The following EIPR1 variants were observed in gnomAD, a reference collection of about 807,000 sequenced individuals.
EIPR1 encodes the protein EARP complex and GARP complex interacting protein 1, also known as EARP and GARP complex-interacting protein 1.
EIPR1 carries 25 observed loss-of-function variants against 48.1 expected under a neutral mutation model. The ratio of observed to expected loss-of-function variants is 0.52; its 90% CI spans 0.38 to 0.73. The LOEUF (loss-of-function observed/expected upper bound fraction) is 0.73, where lower values mean the gene tolerates loss of function less well. EIPR1 is among the 30% of genes least tolerant of loss of function. The pLI, the probability that EIPR1 is intolerant of heterozygous loss-of-function variation, is 0.00. For missense variants in EIPR1, 415 were observed against 506.2 expected, an observed-to-expected ratio of 0.82 and a Z score of 1.73; for synonymous variants, 204 against 201.9, an observed-to-expected ratio of 1.01 and a Z score of -0.09.
chr2:3,248,079 T>C (rs1184423933), intron 4 of EIPR1, among the ~76,000 whole-genome samples: 1 of 152,046 alleles, frequency 6.6e-6, no homozygotes, highest in Non-Finnish European at 1.5e-5. Context: ...GGATCCCTCA[T>C]GAATAGCCTA....
intron 4 of EIPR1, among the ~76,000 whole-genome samples, chr2:3,256,070 T>C (rs999366217): frequency 6.6e-6 from 1 of 152,172 alleles, no homozygotes; most frequent in East Asian, 1.9e-4. Flanking sequence ...GTGATTTTAA[T>C]ACTCAGAGCA....
At chr2:3,208,185 T>G (rs1178110976) in intron 5 of EIPR1, 1 of 223,740 alleles carries the variant, frequency 4.5e-6, no homozygotes, top group African/African-American at 2.3e-5. Flanking sequence ...ATTTACCAGA[T>G]TTTGTTCCAA....
intron 3 of EIPR1, among the ~76,000 whole-genome samples, chr2:3,262,883 G>A (rs1002055611): frequency 6.6e-6 from 1 of 152,192 alleles, no homozygotes; most frequent in African/African-American, 2.4e-5. Flanking sequence ...AGGGCCAGCA[G>A]TGATTGACTA....
At chr2:3,194,707 G>A (rs1183460277) in intron 6 of EIPR1, among the ~76,000 whole-genome samples, 1 of 151,128 alleles carries the variant, frequency 6.6e-6, no homozygotes, top group Non-Finnish European at 1.5e-5. Context: ...GGGGGGGGCA[G>A]TGGGGAAGGC....
chr2:3,307,907 CA>C (rs1377428984), intron 3 of EIPR1, among the ~76,000 whole-genome samples: 6 of 152,196 alleles, frequency 3.9e-5, no homozygotes, highest in Admixed American at 1.3e-4. Flanking sequence ...CCTATTTGAT[CA>C]TGACCCATTG....
intron 3 of EIPR1, among the ~76,000 whole-genome samples, chr2:3,296,009 C>CACAT (rs1668571362): frequency 7.6e-6 from 1 of 131,230 alleles, no homozygotes; most frequent in Non-Finnish European, 1.6e-5. Flanking sequence ...CCTCTCTCTA[C>CACAT]ACACCCTCCA....
chr2:3,254,767 TG>T (rs1667103284), intron 4 of EIPR1, among the ~76,000 whole-genome samples: 1 of 152,204 alleles, frequency 6.6e-6, no homozygotes, highest in South Asian at 2.1e-4. Context: ...GGGTTGGAGT[TG>T]TTCTGTGTCT....
Position 3,225,719 on chromosome 2 carries a change from G to A in EIPR1, c.417-11471C>T, listed in dbSNP as rs575494655. On this transcript the variant is annotated intron_variant, in intron 4 of 8. Coordinates refer to ENST00000382125, the MANE Select transcript of EIPR1 (RefSeq NM_003310.5). The stretch of plus-strand genomic sequence containing the variant: ...TACACTATTATTAACTACAGTTCTC[G>A]TGCTGTACATGAGGTGTCCAGAATG... 3.3e-5 allele frequency among the ~76,000 whole-genome samples: 5 copies of A among 151,998 alleles called. No individual in the cohort carries two copies. In the East Asian group the frequency reaches 7.7e-4, roughly 23 times the overall value.
chr2:3,196,546 G>A (rs1664812079), intron 6 of EIPR1, among the ~76,000 whole-genome samples: 3 of 152,156 alleles, frequency 2.0e-5, no homozygotes, highest in Admixed American at 2.0e-4. Flanking sequence ...AGCCTGCAGC[G>A]GCTCATCAGA....
chr2:3,260,948 A>G lies in EIPR1; in HGVS notation c.260-3493T>C, dbSNP rs968500024. On this transcript the variant is annotated intron_variant, in intron 3 of 8. Transcript: ENST00000382125. ...AAAAAGAGTGTAAAACAGTACACAC[A>G]TTTTGGAAAACACTTTTGCAGTTGA... Among the ~76,000 whole-genome samples, 6 of 152,246 alleles carry G rather than the reference A, an allele frequency of 3.9e-5. No individual in the cohort carries two copies. In the East Asian group the frequency reaches 7.7e-4, roughly 20 times the overall value.
At chr2:3,309,364 T>C (rs1669050647) in intron 3 of EIPR1, among the ~76,000 whole-genome samples, 1 of 152,148 alleles carries the variant, frequency 6.6e-6, no homozygotes, top group Non-Finnish European at 1.5e-5. Context: ...TCAAAAACAC[T>C]GTAACTAAAT....
In EIPR1 at chr2:3,351,902, C is replaced by T. The variant is rs138130479; in HGVS notation, c.126+2648G>A. On this transcript the variant is annotated intron_variant, in intron 2 of 8. Coordinates refer to ENST00000382125, the MANE Select transcript of EIPR1 (RefSeq NM_003310.5). ...GCAATTCATAAGTCTAAATCACATA[C>T]CATTCTGAGTAGTGTGGTGAAGTCT... 6.8e-4 allele frequency among the ~76,000 whole-genome samples: 104 copies of T among 152,336 alleles called. No homozygotes were observed. The East Asian group carries it at 0.018, about 27-fold the overall frequency.
intron 4 of EIPR1, among the ~76,000 whole-genome samples, chr2:3,256,914 A>G (rs931848503): frequency 6.6e-6 from 1 of 152,366 alleles, no homozygotes. Context: ...CACGGGAGGA[A>G]GGGATTGTAA....
intron 4 of EIPR1, among the ~76,000 whole-genome samples, chr2:3,223,709 G>A (rs1403827051): frequency 2.0e-5 from 3 of 152,160 alleles, no homozygotes; most frequent in Non-Finnish European, 4.4e-5. Context: ...GTGCAGCCCT[G>A]TAGGTGGCCC....
At chr2:3,323,498 T>C (rs1269558376) in intron 3 of EIPR1, among the ~76,000 whole-genome samples, 1 of 152,236 alleles carries the variant, frequency 6.6e-6, no homozygotes, top group African/African-American at 2.4e-5. Flanking sequence ...CGACAAGGTC[T>C]TCATTCTGCA....
At chr2:3,326,625 C>T (rs577108676) in intron 3 of EIPR1, among the ~76,000 whole-genome samples, 10 of 152,288 alleles carry the variant, frequency 6.6e-5, no homozygotes, top group Admixed American at 3.3e-4. Flanking sequence ...ACAGAAGAAG[C>T]GAGACAGAGA....
At chr2:3,217,575 T>C (rs572925806) in intron 4 of EIPR1, among the ~76,000 whole-genome samples, 1 of 152,150 alleles carries the variant, frequency 6.6e-6, no homozygotes, top group Non-Finnish European at 1.5e-5. Context: ...TTTAAAAAAA[T>C]TGAGTTAAAC....
At chr2:3,363,173 C>T (rs763621073) in intron 1 of EIPR1, among the ~76,000 whole-genome samples, 12 of 107,300 alleles carry the variant, frequency 1.1e-4, no homozygotes, top group Admixed American at 3.7e-4. Context: ...CCTGCTGGAC[C>T]AGGAAAAGAT....
At chr2:3,284,156 C>G (rs1668104698) in intron 3 of EIPR1, among the ~76,000 whole-genome samples, 1 of 149,000 alleles carries the variant, frequency 6.7e-6, no homozygotes, top group African/African-American at 2.5e-5. Flanking sequence ...CGGAGGCCGC[C>G]CACAGGCACA....
Sources: gnomAD v4.1 joint callset for allele counts (sites outside exome capture counted in the v4.1 genomes callset) on GRCh38, gnomAD v4.1.1 for gene constraint, MANE v1.5 for transcripts, NCBI Gene and HGNC (gene_info 2026-07-23, HGNC 2026-07-21) for gene names.